The following DOT1L variants were observed in gnomAD, a reference collection of about 807,000 sequenced individuals.
The protein encoded by DOT1L is histone-lysine N-methyltransferase, H3 lysine-79 specific.
A neutral mutation model predicts 153.3 loss-of-function variants in DOT1L; 33 were observed. The observed-to-expected ratio is 0.22, with a 90% CI of 0.16 to 0.29. DOT1L has a LOEUF of 0.29. Among genes scored for constraint, DOT1L ranks in the 10% least tolerant of loss-of-function variants. The pLI, the probability that DOT1L is intolerant of heterozygous loss-of-function variation, is 1.00. For synonymous variants in DOT1L, 1,135 were observed against 965.1 expected (o/e 1.18, Z -3.26); for missense variants, 1,847 against 2,119.9 (o/e 0.87, Z 2.53).
chr19:2,196,927 G>A (rs189441633), intron 7 of DOT1L, among the ~76,000 whole-genome samples: 27 of 152,314 alleles, frequency 1.8e-4, no homozygotes, highest in African/African-American at 6.0e-4. Context: ...GCGCTTTTTC[G>A]TTGCTGCTTC....
At position 2,227,049 on chromosome 19, in the gene DOT1L, G is replaced by T; in HGVS notation, c.4528G>T (p.Val1510Leu). 1 of 1,576,116 alleles carries T rather than the reference G, an allele frequency of 6.3e-7. No homozygotes were observed. Among genetic ancestry groups the T allele is most frequent in the Non-Finnish European group, 8.6e-7 (1 of 1,167,010 alleles). Residue 1510 changes from valine (V) to leucine (L), a missense_variant, in exon 27 of 28, where the codon GTG becomes TTG. Val to Leu is a conservative substitution (Grantham distance 32, BLOSUM62 1). Transcript: ENST00000398665. ...GCCGGCCGCCGCAGGCCTGGTGCAC[G>T]TGTCGTCCGCTGCCACCAGACTGAC... ...SVPAAAGLVH[V>L]SSAATRLTNS... is the part of the protein sequence containing the mutation.
intron 1 of DOT1L, among the ~76,000 whole-genome samples, chr19:2,170,191 C>G (rs972957125): frequency 2.0e-5 from 3 of 152,106 alleles, no homozygotes; most frequent in Admixed American, 1.3e-4. Flanking sequence ...GTAATATTGG[C>G]CATTGATGGC....
rs956039512 is a variant in DOT1L at position 2,222,894 on chromosome 19, C to CA, written c.3390+344dup. On this transcript the variant is annotated intron_variant, in intron 24 of 27. Transcript: ENST00000398665. This position sits in a 1 kb window ranked among gnomAD's most constrained non-coding sequence, Gnocchi z 6.5. ...CCTCTCGGGGGGACAAAAAAAAACACAAAAAAAAACAGGTGGAGGCAGGGG... is the reference window on the plus strand; with the variant it reads ...CCTCTCGGGGGGACAAAAAAAAACACAAAAAAAAAACAGGTGGAGGCAGGGG... 5.6e-3 allele frequency: 2,044 copies of CA among 365,292 alleles called. No individual in the cohort carries two copies. Among genetic ancestry groups the CA allele is most frequent in the East Asian group, 6.5e-3 (140 of 21,404 alleles). The allele number at this position is 365,292 out of a possible 1,614,324, so 22.6% of individuals were successfully genotyped here.
At chr19:2,223,167 G>A (rs1218620722) in intron 24 of DOT1L, 114 bp from the exon 25 acceptor site, 2 of 1,172,232 alleles carry the variant, frequency 1.7e-6, no homozygotes, top group African/African-American at 3.1e-5. Flanking sequence ...CAGGGCATCA[G>A]TTTCCTCAGG....
At chr19:2,181,353 C>T (rs2022222592) in intron 2 of DOT1L, among the ~76,000 whole-genome samples, 1 of 152,212 alleles carries the variant, frequency 6.6e-6, no homozygotes. Context: ...TGGCGTCTTG[C>T]TGGTCTGTTC....
rs1206082764 is a variant in DOT1L, at chr19:2,217,419, C to G, written c.2544+329C>G. On this transcript the variant is annotated intron_variant, in intron 21 of 27. Coordinates refer to ENST00000398665, the MANE Select transcript of DOT1L (RefSeq NM_032482.3). This position sits in a 1 kb window ranked among gnomAD's most constrained non-coding sequence, Gnocchi z 7.3. ...TGAGGACTTCCCCGGGGGCACTGGC[C>G]TGTGTGCACAGGGATGGAGAGGGAA... Among the ~76,000 whole-genome samples the G allele has an allele frequency of 6.6e-6, 1 of 152,166 alleles. No homozygotes were observed. The highest frequency in any genetic ancestry group is 1.5e-5 in the Non-Finnish European group (1 of 68,016).
At chr19:2,226,064 T>TG in intron 26 of DOT1L, 119 bp from the exon 27 acceptor site, 2 of 1,132,400 alleles carry the variant, frequency 1.8e-6, no homozygotes, top group Non-Finnish European at 2.4e-6. Context: ...GCATCTTGAG[T>TG]GTCTGTGACC....
At chr19:2,183,516 C>T (rs934939521) in intron 2 of DOT1L, among the ~76,000 whole-genome samples, 3 of 152,146 alleles carry the variant, frequency 2.0e-5, no homozygotes, top group African/African-American at 4.8e-5. Flanking sequence ...TCAGCCTTTC[C>T]ATTTCTCCAG....
At chr19:2,182,638 G>C (rs1015120776) in intron 2 of DOT1L, among the ~76,000 whole-genome samples, 1 of 152,138 alleles carries the variant, frequency 6.6e-6, no homozygotes, top group Non-Finnish European at 1.5e-5. Flanking sequence ...TTAGGATCTC[G>C]GTGCAGCAGG....
chr19:2,167,248 C>T (rs749751761), intron 1 of DOT1L, among the ~76,000 whole-genome samples: 6 of 152,220 alleles, frequency 3.9e-5, no homozygotes, highest in Non-Finnish European at 5.9e-5. Flanking sequence ...GTCTGTTTAA[C>T]ATCTGCATCC....
chr19:2,195,579 C>T (rs111944772), intron 7 of DOT1L, among the ~76,000 whole-genome samples: 4,262 of 152,128 alleles, frequency 0.028, 204 homozygotes, highest in African/African-American at 0.097. Flanking sequence ...GACCTGGAGC[C>T]CCTGGAGTAC....
In DOT1L at chr19:2,217,441, G is replaced by A. The variant is rs576792398; in HGVS notation, c.2545-331G>A. 6.6e-6 allele frequency among the ~76,000 whole-genome samples: 1 copy of A among 152,328 alleles called. No individual in the cohort carries two copies. The highest frequency in any genetic ancestry group is 2.4e-5 in the African/African-American group (1 of 41,570). On this transcript the variant is annotated intron_variant, in intron 21 of 27. Transcript: ENST00000398665. This position sits in a 1 kb window ranked among gnomAD's most constrained non-coding sequence, Gnocchi z 7.3. ...GGCCTGTGTGCACAGGGATGGAGAG[G>A]GAAGGACGGTGACGTTGCATGGACT...
At chr19:2,228,139 CCT>C in intron 27 of DOT1L, 1 of 1,364,916 alleles carries the variant, frequency 7.3e-7, no homozygotes, top group Non-Finnish European at 9.8e-7. Context: ...CCTGCTAACG[CCT>C]CTTTGTCTAT....
At chr19:2,205,558 T>C (rs1478838839) in intron 9 of DOT1L, among the ~76,000 whole-genome samples, 2 of 152,242 alleles carry the variant, frequency 1.3e-5, no homozygotes, top group East Asian at 3.8e-4. Context: ...GACAGTCAGT[T>C]AGAATCCCAG....
At position 2,220,060 on chromosome 19, in the gene DOT1L, C is replaced by G. The variant is rs749240843; in HGVS notation, c.2692-48C>G. 6.5e-7 allele frequency: 1 copy of G among 1,534,666 alleles called. No homozygotes were observed. The highest frequency in any genetic ancestry group is 2.3e-5 in the East Asian group (1 of 44,206). On this transcript the variant is annotated intron_variant, in intron 22 of 27. Coordinates refer to ENST00000398665, the MANE Select transcript of DOT1L (RefSeq NM_032482.3). This position sits in a 1 kb window ranked among gnomAD's most constrained non-coding sequence, Gnocchi z 4.5. ...CACTGTTTCCAGCTGGGTTCTGGGT[C>G]TCCTGGGGCACCTGCTGCCCCTGAC...
intron 7 of DOT1L, among the ~76,000 whole-genome samples, chr19:2,196,002 C>T (rs1302669833): frequency 6.6e-6 from 1 of 152,230 alleles, no homozygotes; most frequent in Non-Finnish European, 1.5e-5. Flanking sequence ...TGTGTGCCCG[C>T]CCGTCTGCCT....
rs779742369 is a variant in DOT1L at position 2,227,048 on chromosome 19, C to T, written c.4527C>T (p.His1509=). ...TGCCGGCCGCCGCAGGCCTGGTGCACGTGTCGTCCGCTGCCACCAGACTGA... is the reference window on the plus strand; with the variant it reads ...TGCCGGCCGCCGCAGGCCTGGTGCATGTGTCGTCCGCTGCCACCAGACTGA... ...SSVPAAAGLV[H]VSSAATRLTN... is the part of the protein sequence containing the mutation. The change falls in exon 27 of 28, where the codon CAC becomes CAT. Residue 1509 remains histidine (H), a synonymous_variant. Coordinates refer to ENST00000398665, the MANE Select transcript of DOT1L (RefSeq NM_032482.3). 19 of 1,576,342 alleles carry T rather than the reference C, an allele frequency of 1.2e-5. No homozygotes were observed. The highest frequency in any genetic ancestry group is 2.3e-5 in the East Asian group (1 of 43,856).
At chr19:2,178,644 C>G (rs1050497004) in intron 1 of DOT1L, among the ~76,000 whole-genome samples, 1 of 152,166 alleles carries the variant, frequency 6.6e-6, no homozygotes, top group East Asian at 1.9e-4. Flanking sequence ...GTCTTGATCT[C>G]CTGACCTTGT....
Position 2,164,995 on chromosome 19 carries a change from T to C in DOT1L, c.81+730T>C, listed in dbSNP as rs184075988. Among the ~76,000 whole-genome samples, 80 of 152,314 alleles carry C rather than the reference T, an allele frequency of 5.3e-4. 1 individual carries two copies. The highest frequency in any genetic ancestry group is 9.3e-4 in the Non-Finnish European group (63 of 68,018). On this transcript the variant is annotated intron_variant, in intron 1 of 27. Coordinates refer to ENST00000398665, the MANE Select transcript of DOT1L (RefSeq NM_032482.3). ...TTAGTAAATTTTGTCTTCTTCATCTTGGTGACCGTTGGAAAATGACAGGCC... is the reference window on the plus strand; with the variant it reads ...TTAGTAAATTTTGTCTTCTTCATCTCGGTGACCGTTGGAAAATGACAGGCC...
Sources: gnomAD v4.1 joint callset for allele counts (sites outside exome capture counted in the v4.1 genomes callset) on GRCh38, gnomAD v4.1.1 for gene constraint, Gnocchi (gnomAD v3.1) non-coding constraint, MANE v1.5 for transcripts, NCBI Gene and HGNC (gene_info 2026-07-23, HGNC 2026-07-21) for gene names.